The following PRSS23 variants were observed in gnomAD, a reference collection of about 807,000 sequenced individuals.
PRSS23 encodes the protein serine protease 23.
Under a neutral mutation model 34.7 loss-of-function variants are expected in PRSS23, and 25 were observed. That is an observed-to-expected ratio of 0.72 (90% CI 0.53 to 1.01). The LOEUF is 1.01. Ranked by LOEUF, PRSS23 falls within the 50% of genes least tolerant of loss-of-function variation. The pLI is 0.00. For synonymous variants in PRSS23, 176 were observed against 186.6 expected (o/e 0.94, Z 0.46); for missense variants, 445 against 475.6 (o/e 0.94, Z 0.60).
chr11:86,926,393 TAAAC>T (rs752049432), intron 2 of PRSS23, among the ~76,000 whole-genome samples: 4 of 152,008 alleles, frequency 2.6e-5, no homozygotes, highest in Non-Finnish European at 4.4e-5. Context: ...AAAATATAAA[TAAAC>T]TTCACCCTAA....
chr11:86,948,021 A>T (rs762745213), intron 2 of PRSS23: 9 of 152,246 alleles, frequency 5.9e-5, no homozygotes, highest in Non-Finnish European at 1.2e-4. Context: ...GCCAAAGCAG[A>T]TGTGTGGGCC....
chr11:86,802,021 A>G (rs750758143), intron 1 of PRSS23, among the ~76,000 whole-genome samples: 1 of 152,116 alleles, frequency 6.6e-6, no homozygotes, highest in Non-Finnish European at 1.5e-5. Context: ...ACATGGATGC[A>G]TTTTCTGGTT....
intron 2 of PRSS23, among the ~76,000 whole-genome samples, chr11:86,890,145 C>T (rs1456539697): frequency 6.6e-6 from 1 of 152,092 alleles, no homozygotes; most frequent in Non-Finnish European, 1.5e-5. Context: ...GTGGTGCACA[C>T]CTGTAATCCT....
downstream of PRSS23, among the ~76,000 whole-genome samples, chr11:86,815,037 A>C (rs1800599115): frequency 6.6e-6 from 1 of 152,200 alleles, no homozygotes; most frequent in African/African-American, 2.4e-5. Flanking sequence ...CAGCTTTGAG[A>C]AGCGTCAAGT....
intron 2 of PRSS23, among the ~76,000 whole-genome samples, chr11:86,943,256 A>C (rs886631803): frequency 6.6e-6 from 1 of 152,248 alleles, no homozygotes; most frequent in Non-Finnish European, 1.5e-5. Context: ...AAAAAATAGA[A>C]GCTTATGGTC....
upstream of PRSS23, chr11:86,800,501 G>T: frequency 1.0e-6 from 1 of 984,332 alleles, no homozygotes; most frequent in Non-Finnish European, 1.2e-6. Flanking sequence ...TGGCGCGGGG[G>T]GCGGACCCGC....
intron 2 of PRSS23, among the ~76,000 whole-genome samples, chr11:86,839,271 C>G (rs952641619): frequency 6.6e-6 from 1 of 152,066 alleles, no homozygotes; most frequent in Non-Finnish European, 1.5e-5. Context: ...GAGTGGCTAA[C>G]TAGAATAAAC....
chr11:86,856,895 C>G (rs1948575295), intron 2 of PRSS23, among the ~76,000 whole-genome samples: 1 of 152,182 alleles, frequency 6.6e-6, no homozygotes, highest in Admixed American at 6.5e-5. Context: ...AATACTCACC[C>G]ATTCCAGTTA....
intron 2 of PRSS23, among the ~76,000 whole-genome samples, chr11:86,888,129 AAAC>A (rs1326639904): frequency 6.5e-4 from 98 of 150,998 alleles, no homozygotes; most frequent in Non-Finnish European, 1.0e-3. Flanking sequence ...AAAAAAAACA[AAAC>A]AAAACAAAAC....
intron 2 of PRSS23, among the ~76,000 whole-genome samples, chr11:86,926,295 A>G (rs2156172): frequency 0.63 from 96,519 of 152,054 alleles, 30,995 homozygotes; most frequent in Non-Finnish European, 0.69. Context: ...CCAGGGAGGC[A>G]GAGGTTACAG....
At chr11:86,924,465 G>A (rs141951138) in intron 2 of PRSS23, among the ~76,000 whole-genome samples, 73 of 152,254 alleles carry the variant, frequency 4.8e-4, no homozygotes, top group African/African-American at 1.7e-3. Context: ...AAGAAGTAAG[G>A]GATAGATAAA....
At chr11:86,905,944 T>A (rs543733889) in intron 2 of PRSS23, among the ~76,000 whole-genome samples, 1 of 152,358 alleles carries the variant, frequency 6.6e-6, no homozygotes, top group East Asian at 1.9e-4. Context: ...AGATGAGATC[T>A]CCTGATCTTG....
chr11:86,814,464 A>T (rs980167652), downstream of PRSS23, among the ~76,000 whole-genome samples: 10 of 152,156 alleles, frequency 6.6e-5, no homozygotes, highest in Non-Finnish European at 2.9e-5. Flanking sequence ...AAGAGAAAAA[A>T]GTTGGAAGCC....
At chr11:86,829,968 C>T (rs1405415319) in intron 2 of PRSS23, among the ~76,000 whole-genome samples, 1 of 152,210 alleles carries the variant, frequency 6.6e-6, no homozygotes, top group Non-Finnish European at 1.5e-5. Flanking sequence ...AGGCAGTCTG[C>T]CCGTCCTCAG....
At chr11:86,840,524 A>G (rs1353074238) in intron 2 of PRSS23, among the ~76,000 whole-genome samples, 1 of 152,142 alleles carries the variant, frequency 6.6e-6, no homozygotes, top group Non-Finnish European at 1.5e-5. Context: ...AGGCTTTAAC[A>G]CCCCACTTCA....
chr11:86,832,879 G>A, intron 2 of PRSS23: 1 of 324,614 alleles, frequency 3.1e-6, no homozygotes, highest in Non-Finnish European at 6.0e-6. Context: ...TATTGGTGAA[G>A]GTGTCACAAC....
At chr11:86,880,058 G>C (rs1434452124) in intron 2 of PRSS23, among the ~76,000 whole-genome samples, 6 of 152,108 alleles carry the variant, frequency 3.9e-5, no homozygotes, top group African/African-American at 1.4e-4. Context: ...TGTCTGTGTA[G>C]AAAGAGGTAG....
intron 2 of PRSS23, among the ~76,000 whole-genome samples, chr11:86,855,212 G>A (rs1948560466): frequency 6.6e-6 from 1 of 151,488 alleles, no homozygotes; most frequent in African/African-American, 2.4e-5. Flanking sequence ...TCCCAGTCTA[G>A]CCTCAAAAAG....
chr11:86,893,887 T>A (rs1413007695), intron 2 of PRSS23, among the ~76,000 whole-genome samples: 1 of 152,210 alleles, frequency 6.6e-6, no homozygotes, highest in African/African-American at 2.4e-5. Flanking sequence ...TAGAGGTCAA[T>A]CAGGAATACT....
Sources: allele counts gnomAD v4.1 joint callset (sites outside exome capture counted in the v4.1 genomes callset), GRCh38; gene constraint gnomAD v4.1.1; transcripts MANE v1.5; gene names NCBI Gene and HGNC (gene_info 2026-07-23, HGNC 2026-07-21).